The following ADORA2B variants were observed in gnomAD, a reference collection of about 807,000 sequenced individuals.
The protein encoded by ADORA2B is adenosine A2b receptor, also known as adenosine receptor A2b.
Under a neutral mutation model 20.8 loss-of-function variants are expected in ADORA2B, and 18 were observed. The observed-to-expected ratio is 0.87, with a 90% CI of 0.60 to 1.29. ADORA2B has a LOEUF of 1.29. ADORA2B is among the 50% of genes most tolerant of loss of function. ADORA2B has a pLI of 0.00. For synonymous variants in ADORA2B, 179 were observed against 178.3 expected (o/e 1.00, Z -0.03); for missense variants, 441 against 422.7 (o/e 1.04, Z -0.38).
intron 1 of ADORA2B, among the ~76,000 whole-genome samples, chr17:15,950,321 G>A (rs1036730903): frequency 4.6e-5 from 7 of 152,170 alleles, no homozygotes; most frequent in African/African-American, 1.7e-4. Context: ...CTGGAAGTCA[G>A]CCTTCTCGCC....
At chr17:15,863,786 A>G in the ADORA2B span, among the ~76,000 whole-genome samples, 20 of 152,370 alleles carry the variant, frequency 1.3e-4, no homozygotes, top group African/African-American at 3.6e-4. Context: ...CACAAATAAA[A>G]GACTAGATGG....
At chr17:15,926,253 G>A in the ADORA2B span, among the ~76,000 whole-genome samples, 1 of 152,156 alleles carries the variant, frequency 6.6e-6, no homozygotes, top group South Asian at 2.1e-4. Context: ...GACAAACGGG[G>A]TTGTGCCCTT....
chr17:15,956,892 A>AC (rs1328080824), intron 1 of ADORA2B, among the ~76,000 whole-genome samples: 4 of 151,848 alleles, frequency 2.6e-5, no homozygotes, highest in Non-Finnish European at 5.9e-5. Context: ...GAGCCACCGC[A>AC]CCCGGCCTGT....
At chr17:15,863,070 A>G in the ADORA2B span, among the ~76,000 whole-genome samples, 2 of 152,146 alleles carry the variant, frequency 1.3e-5, no homozygotes, top group African/African-American at 2.4e-5. Flanking sequence ...CCCAGATATT[A>G]CATATTGTCC....
At chr17:15,974,635 G>A in intron 1 of ADORA2B, 44 bp from the exon 2 acceptor site, 1 of 1,536,072 alleles carries the variant, frequency 6.5e-7, no homozygotes, top group East Asian at 2.3e-5. Context: ...TGTGGTTGCA[G>A]AGCGCTATAA....
At chr17:15,913,321 G>A in the ADORA2B span, among the ~76,000 whole-genome samples, 1 of 152,342 alleles carries the variant, frequency 6.6e-6, no homozygotes, top group Middle Eastern at 3.4e-3. Flanking sequence ...TGATTAATTA[G>A]TGGAAATATC....
Position 15,974,942 on chromosome 17 carries a change from T to G in ADORA2B, c.599T>G (p.Val200Gly), listed in dbSNP as rs556766619. ...CTGCCCCCACTGCTTATAATGCTGG[T>G]GATCTACATTAAGATCTTCCTGGTG... Reference protein sequence around the residue: ...CVLPPLLIMLVIYIKIFLVAC... With the variant: ...CVLPPLLIMLGIYIKIFLVAC... The change falls in exon 2 of 2, where the codon GTG (valine) becomes GGG (glycine). Residue 200 changes from valine to glycine, a missense_variant. Coordinates refer to ENST00000304222, the MANE Select transcript of ADORA2B (RefSeq NM_000676.4). The G allele has an allele frequency of 1.9e-6, 3 of 1,614,172 alleles. No homozygotes were observed. Among genetic ancestry groups the G allele is most frequent in the Non-Finnish European group, 2.5e-6 (3 of 1,180,034 alleles).
the ADORA2B span, among the ~76,000 whole-genome samples, chr17:15,900,023 G>C: frequency 1.1e-4 from 17 of 151,860 alleles, 1 homozygote; most frequent in East Asian, 1.4e-3. Flanking sequence ...GTTGAGACAG[G>C]CTTTCACCAT....
chr17:15,918,317 TGG>T, the ADORA2B span, among the ~76,000 whole-genome samples: 1 of 152,194 alleles, frequency 6.6e-6, no homozygotes. Flanking sequence ...TGCATTGCTG[TGG>T]GCTTATATCT....
intron 1 of ADORA2B, among the ~76,000 whole-genome samples, chr17:15,963,474 G>A (rs1343547364): frequency 3.3e-5 from 5 of 152,160 alleles, no homozygotes; most frequent in Non-Finnish European, 5.9e-5. Flanking sequence ...GCAGTGCTCC[G>A]TAACCCCAGC....
upstream of ADORA2B, chr17:15,945,077 C>T: frequency 2.2e-6 from 1 of 461,696 alleles, no homozygotes; most frequent in Non-Finnish European, 3.4e-6. Context: ...CTCTTGGCCG[C>T]GGGGGGCCCC....
At chr17:15,928,023 TG>T in the ADORA2B span, among the ~76,000 whole-genome samples, 1 of 152,176 alleles carries the variant, frequency 6.6e-6, no homozygotes, top group South Asian at 2.1e-4. Flanking sequence ...GGTTTCACGG[TG>T]GTCTTGATCT....
the ADORA2B span, among the ~76,000 whole-genome samples, chr17:15,889,413 C>T: frequency 3.1e-5 from 4 of 128,734 alleles, 2 homozygotes; most frequent in Non-Finnish European, 3.3e-5. Flanking sequence ...TGTAGAAATG[C>T]GCAGGTCCAA....
the ADORA2B span, among the ~76,000 whole-genome samples, chr17:15,906,319 G>A: frequency 1.1e-4 from 16 of 152,296 alleles, no homozygotes; most frequent in South Asian, 6.2e-4. Flanking sequence ...AATAACTGTC[G>A]TAGTTGTTGA....
At chr17:15,948,423 G>T (rs1056368060) in intron 1 of ADORA2B, among the ~76,000 whole-genome samples, 2 of 35,204 alleles carry the variant, frequency 5.7e-5, no homozygotes, top group Non-Finnish European at 1.7e-4. Flanking sequence ...GTCCCCAGTG[G>T]TGCCGACGGG....
chr17:15,973,341 T>G (rs2779212), intron 1 of ADORA2B, among the ~76,000 whole-genome samples: 189 of 152,178 alleles, frequency 1.2e-3, no homozygotes, highest in African/African-American at 4.4e-3. Flanking sequence ...TCATACCACA[T>G]ATATCTCCAT....
chr17:15,894,550 C>T, the ADORA2B span, among the ~76,000 whole-genome samples: 1 of 152,180 alleles, frequency 6.6e-6, no homozygotes, highest in Admixed American at 6.5e-5. Flanking sequence ...GGGGGCAGGG[C>T]CTGCAGAGCT....
the ADORA2B span, among the ~76,000 whole-genome samples, chr17:15,914,156 C>T: frequency 6.6e-6 from 1 of 152,182 alleles, no homozygotes; most frequent in African/African-American, 2.4e-5. Context: ...ATTTTACTCC[C>T]ACACATTTGA....
intron 1 of ADORA2B, among the ~76,000 whole-genome samples, chr17:15,951,621 G>A (rs1376908904): frequency 1.3e-5 from 2 of 152,236 alleles, no homozygotes; most frequent in Non-Finnish European, 2.9e-5. Context: ...GCTAGGCAGG[G>A]GCCAAGGTCT....
Sources: allele counts gnomAD v4.1 joint callset (sites outside exome capture counted in the v4.1 genomes callset), GRCh38; gene constraint gnomAD v4.1.1; transcripts MANE v1.5; gene names NCBI Gene and HGNC (gene_info 2026-07-23, HGNC 2026-07-21).